ZNF654: variants seen among roughly 807,000 people sequenced by gnomAD.
ZNF654 encodes zinc finger protein 654.
ZNF654 carries 19 observed loss-of-function variants against 95.3 expected under a neutral mutation model. The ratio of observed to expected loss-of-function variants is 0.20; its 90% CI spans 0.14 to 0.29. ZNF654 has a LOEUF of 0.29. Among genes scored for constraint, ZNF654 ranks in the 10% least tolerant of loss-of-function variants. ZNF654 has a pLI of 1.00. For missense variants in ZNF654, 1,046 were observed against 1,341.0 expected, an observed-to-expected ratio of 0.78 and a Z score of 3.44; for synonymous variants, 413 against 457.9, an observed-to-expected ratio of 0.90 and a Z score of 1.25.
chr3:88,120,525 C>G (rs1705702723), intron 3 of ZNF654, among the ~76,000 whole-genome samples: 1 of 152,032 alleles, frequency 6.6e-6, no homozygotes, highest in African/African-American at 2.4e-5. Context: ...AGAAGCAAAT[C>G]AGGAGATGGT....
At chr3:88,116,249 AGTGG>A (rs1445786444) in intron 3 of ZNF654, among the ~76,000 whole-genome samples, 5 of 152,110 alleles carry the variant, frequency 3.3e-5, no homozygotes, top group Non-Finnish European at 7.4e-5. Flanking sequence ...GGCCAGGCAT[AGTGG>A]TTCACCCCTG....
chr3:88,064,916 A>G (rs1354267588), intron 1 of ZNF654, among the ~76,000 whole-genome samples: 1 of 152,250 alleles, frequency 6.6e-6, no homozygotes, highest in Non-Finnish European at 1.5e-5. Context: ...ATTTGCAGTC[A>G]CTTATTTACT....
At chr3:88,093,386 T>C (rs1703864479) in intron 2 of ZNF654, among the ~76,000 whole-genome samples, 1 of 152,106 alleles carries the variant, frequency 6.6e-6, no homozygotes, top group African/African-American at 2.4e-5. Flanking sequence ...AGAAAGTAAA[T>C]GTTCATAGAT....
intron 2 of ZNF654, among the ~76,000 whole-genome samples, chr3:88,088,757 TATGTATGGATGGATGG>T (rs1343686486): frequency 1.4e-4 from 13 of 94,468 alleles, no homozygotes; most frequent in East Asian, 7.5e-4. Context: ...TGTATGTATG[TATGTATGGATGGATGG>T]ATGGATGGAT....
At chr3:88,120,010 CT>C (rs999229262) in intron 3 of ZNF654, among the ~76,000 whole-genome samples, 6 of 151,728 alleles carry the variant, frequency 4.0e-5, no homozygotes, top group South Asian at 2.1e-4. Flanking sequence ...TTTAAATATT[CT>C]TTTTTTCAAG....
chr3:88,100,339 A>T (rs1429393363), intron 2 of ZNF654, among the ~76,000 whole-genome samples: 2 of 152,160 alleles, frequency 1.3e-5, no homozygotes, highest in Non-Finnish European at 1.5e-5. Context: ...GCTGGAGAGG[A>T]TGTGGAGAAA....
chr3:88,083,036 C>CTCCTCACTCCTCCTCCCTCT (rs1211024391), intron 1 of ZNF654, among the ~76,000 whole-genome samples: 1 of 151,758 alleles, frequency 6.6e-6, no homozygotes, highest in Admixed American at 6.6e-5. Flanking sequence ...CTCCTCACTC[C>CTCCTCACTCCTCCTCCCTCT]TCCTCACTCC....
chr3:88,124,765 A>G (rs1387517892), intron 3 of ZNF654, among the ~76,000 whole-genome samples: 4 of 104,664 alleles, frequency 3.8e-5, no homozygotes, highest in African/African-American at 1.2e-4. Context: ...TTGATGTACA[A>G]TACTCAGTTT....
rs762771701 is a variant in ZNF654 at position 88,139,654 on chromosome 3, T to C, written c.1985T>C (p.Ile662Thr). 2.5e-6 allele frequency: 4 copies of C among 1,611,816 alleles called. No individual in the cohort carries two copies. Among genetic ancestry groups the C allele is most frequent in the South Asian group, 2.2e-5 (2 of 90,836 alleles). The change falls in exon 8 of 9, where the codon ATT becomes ACT. Residue 662 changes from isoleucine to threonine, a missense_variant. Physicochemically the swap from Ile to Thr is moderately conservative, Grantham distance 89. Coordinates refer to ENST00000636215, the MANE Select transcript of ZNF654 (RefSeq NM_001350134.2). ...EVIPEHVAEF[I>T]EIPISVPEDV... is the part of the protein sequence containing the mutation. ...ATCCCTGAGCATGTGGCTGAATTCA[T>C]TGAAATTCCCATAAGTGTACCAGAA... is the stretch of plus-strand genomic sequence containing the variant.
intron 2 of ZNF654, among the ~76,000 whole-genome samples, chr3:88,098,044 T>C (rs1474059682): frequency 1.3e-5 from 2 of 152,108 alleles, no homozygotes; most frequent in Non-Finnish European, 1.5e-5. Flanking sequence ...ATCCAGGAGC[T>C]GGGTTTTTGA....
chr3:88,106,504 ATTGT>A (rs1177717463), intron 2 of ZNF654, among the ~76,000 whole-genome samples: 1 of 151,692 alleles, frequency 6.6e-6, no homozygotes, highest in African/African-American at 2.4e-5. Context: ...CCCCCAGCTA[ATTGT>A]TTGTATTTTT....
At chr3:88,076,436 A>C (rs1167118303) in intron 1 of ZNF654, among the ~76,000 whole-genome samples, 2 of 150,778 alleles carry the variant, frequency 1.3e-5, no homozygotes, top group African/African-American at 4.9e-5. Flanking sequence ...TTCTTTTTTG[A>C]TATCTGTCTA....
At chr3:88,099,563 T>TG (rs150173537) in intron 2 of ZNF654, among the ~76,000 whole-genome samples, 119,052 of 151,964 alleles carry the variant, frequency 0.78, 47,548 homozygotes, top group South Asian at 0.91. Context: ...TCACACTACC[T>TG]ACTTCAAACT....
chr3:88,126,211 A>C lies in ZNF654; in HGVS notation c.492A>C (p.Pro164=). Residue 164 remains proline, a synonymous_variant, in exon 4 of 9, where the codon CCA becomes CCC. Coordinates refer to ENST00000636215, the MANE Select transcript of ZNF654 (RefSeq NM_001350134.2). ...LVTRIIRDGG[P]WEDPVLQAVL... The stretch of plus-strand genomic sequence containing the variant: ...CTCGAATCATTAGAGATGGTGGCCC[A>C]TGGGAAGATCCAGTGTTGCAAGCTG... 6.5e-7 allele frequency: 1 copy of C among 1,531,360 alleles called. No homozygotes were observed. The highest frequency in any genetic ancestry group is 8.7e-7 in the Non-Finnish European group (1 of 1,143,752). 94.9% of individuals were successfully genotyped at this position (1,531,360 alleles called of 1,614,324 possible).
chr3:88,066,136 A>G (rs1707185749), intron 1 of ZNF654, among the ~76,000 whole-genome samples: 1 of 152,260 alleles, frequency 6.6e-6, no homozygotes, highest in Admixed American at 6.5e-5. Context: ...TTTTAAAAAA[A>G]TGAATTGGTT....
intron 7 of ZNF654, among the ~76,000 whole-genome samples, chr3:88,137,465 CT>C (rs1223136074): frequency 6.6e-6 from 1 of 152,108 alleles, no homozygotes; most frequent in Non-Finnish European, 1.5e-5. Flanking sequence ...TATGTACCAA[CT>C]TTTATGCTAA....
chr3:88,071,888 CTCTTA>C (rs1204795755), intron 1 of ZNF654, among the ~76,000 whole-genome samples: 3 of 152,208 alleles, frequency 2.0e-5, no homozygotes, highest in South Asian at 2.1e-4. Flanking sequence ...TTTATCTTCT[CTCTTA>C]TATTTTGAAG....
intron 1 of ZNF654, among the ~76,000 whole-genome samples, chr3:88,084,740 A>G (rs1708250122): frequency 1.3e-5 from 2 of 152,160 alleles, no homozygotes. Context: ...TGAGTCAGAG[A>G]TAATGGACTT....
rs1056358955 is a variant in ZNF654, at chr3:88,143,051, C to T, written c.*1399C>T. On this transcript the variant is annotated 3_prime_UTR_variant, in exon 9 of 9. Transcript: ENST00000636215. ...GTTTCAAAACAGATCTCCTAATGTC[C>T]CAATGTCAAATATTCCAGTTATTCT... The T allele has an allele frequency of 6.6e-6, 1 of 152,042 alleles. No individual in the cohort carries two copies. The highest frequency in any genetic ancestry group is 2.4e-5 in the African/African-American group (1 of 41,332). 9.4% of individuals were successfully genotyped at this position (152,042 alleles called of 1,614,324 possible). A position where few individuals can be genotyped will look rare whatever the true frequency, so the allele number is the denominator to read the frequency against.
Sources: allele counts gnomAD v4.1 joint callset (sites outside exome capture counted in the v4.1 genomes callset), GRCh38; gene constraint gnomAD v4.1.1; transcripts MANE v1.5; gene names NCBI Gene and HGNC (gene_info 2026-07-23, HGNC 2026-07-21).